Variants in MRPL45 observed in about 807,000 individuals in gnomAD.
The protein encoded by MRPL45 is mitochondrial ribosomal protein L45.
Under a neutral mutation model 38.1 loss-of-function variants are expected in MRPL45, and 20 were observed. The observed-to-expected ratio is 0.53, with a 90% CI of 0.37 to 0.76. The LOEUF is 0.76. Ranked by LOEUF, MRPL45 falls within the 30% of genes least tolerant of loss-of-function variation. The pLI is 0.00. For synonymous variants in MRPL45, 105 were observed against 128.8 expected (o/e 0.82, Z 1.25); for missense variants, 337 against 395.6 (o/e 0.85, Z 1.26).
At chr17:38,309,255 G>A (rs1457278275) in intron 4 of MRPL45, among the ~76,000 whole-genome samples, 4 of 150,122 alleles carry the variant, frequency 2.7e-5, no homozygotes, top group Admixed American at 2.7e-4. Context: ...GGTGGCTCTC[G>A]CTTGTAATCC....
chr17:38,306,648 T>G lies in MRPL45; in HGVS notation c.461+17T>G, dbSNP rs1385338269. 2.5e-6 allele frequency: 4 copies of G among 1,613,450 alleles called. No individual in the cohort carries two copies. In the East Asian group the frequency reaches 6.7e-5, roughly 27 times the overall value. The stretch of plus-strand genomic sequence containing the variant: ...TCTAAATAAGTAAGTGAACTCCCTA[T>G]CTTTACCCATTCTGTTCTCAGCAGT... On this transcript the variant is annotated intron_variant, in intron 4 of 7. Transcript: ENST00000613675.
chr17:38,308,441 TG>T (rs1301244309), intron 4 of MRPL45, among the ~76,000 whole-genome samples: 3,102 of 129,490 alleles, frequency 0.024, 66 homozygotes, highest in Admixed American at 0.068. Flanking sequence ...TTTTTTTTTT[TG>T]TTTGTTTGTT....
At chr17:38,298,892 T>TTTTTG (rs1392965022) in intron 2 of MRPL45, among the ~76,000 whole-genome samples, 4 of 152,086 alleles carry the variant, frequency 2.6e-5, no homozygotes, top group Non-Finnish European at 5.9e-5. Flanking sequence ...TTTCTGGCTT[T>TTTTTG]TTTTGTTTTG....
intron 4 of MRPL45, among the ~76,000 whole-genome samples, chr17:38,315,288 TC>T (rs2037162483): frequency 6.6e-6 from 1 of 152,212 alleles, no homozygotes; most frequent in African/African-American, 2.4e-5. Context: ...TCTCACTTTT[TC>T]AGCCAGGCTG....
rs760371005 is a variant in MRPL45, at chr17:38,323,201, G to A, written c.*606G>A. The stretch of plus-strand genomic sequence containing the variant: ...TTTTATGGAAAAATATAAATCCAAA[G>A]AAATAATTTATCCCTTAGCCTTTGA... On this transcript the variant is annotated 3_prime_UTR_variant, in exon 8 of 8. Transcript: ENST00000613675. 2 of 152,490 alleles carry A rather than the reference G, an allele frequency of 1.3e-5. No individual in the cohort carries two copies. The highest frequency in any genetic ancestry group is 3.9e-4 in the East Asian group (2 of 5,184). The allele number at this position is 152,490 out of a possible 1,614,324, so 9.4% of individuals were successfully genotyped here. A position where few individuals can be genotyped will look rare whatever the true frequency, so the allele number is the denominator to read the frequency against.
In MRPL45 at chr17:38,318,713, T is replaced by C. The variant is rs2144237180; in HGVS notation, c.488T>C (p.Leu163Ser). 1.2e-6 allele frequency: 2 copies of C among 1,610,580 alleles called. No homozygotes were observed. Among genetic ancestry groups the C allele is most frequent in the Middle Eastern group, 1.7e-4 (1 of 6,054 alleles). ...NNSDHDRLHT[L>S]VTEHCFPDMT... ...TCAGACCATGACCGGCTTCATACCTTGGTAACTGAACACTGTTTTCCAGTA... is the reference window on the plus strand; with the variant it reads ...TCAGACCATGACCGGCTTCATACCTCGGTAACTGAACACTGTTTTCCAGTA... The change falls in exon 5 of 8, where the codon TTG (leucine) becomes TCG (serine). Residue 163 changes from leucine to serine, a missense_variant. This residue lies in a region of MRPL45 where 251 missense variants were observed against 269.1 expected (regional missense o/e 0.93). Coordinates refer to ENST00000613675, the MANE Select transcript of MRPL45 (RefSeq NM_032351.6).
At chr17:38,307,138 A>G (rs2037063182) in intron 4 of MRPL45, among the ~76,000 whole-genome samples, 1 of 151,146 alleles carries the variant, frequency 6.6e-6, no homozygotes, top group African/African-American at 2.4e-5. Context: ...GGTTCAAGCA[A>G]CTCCCCTGCC....
chr17:38,317,003 G>A lies in MRPL45; in HGVS notation c.462-1684G>A, dbSNP rs191812745. Among the ~76,000 whole-genome samples the A allele has an allele frequency of 2.2e-3, 328 of 152,050 alleles. 1 individual carries two copies. The highest frequency in any genetic ancestry group is 0.012 in the East Asian group (62 of 5,136). On this transcript the variant is annotated intron_variant, in intron 4 of 7. Transcript: ENST00000613675. ...AGTAGGGACAGGGTTTCACCATGTT[G>A]GCCAGGATGGTCTTGATCTCCTGAC...
At chr17:38,309,950 T>G (rs2037094140) in intron 4 of MRPL45, among the ~76,000 whole-genome samples, 1 of 152,156 alleles carries the variant, frequency 6.6e-6, no homozygotes, top group Non-Finnish European at 1.5e-5. Flanking sequence ...AAATGTGTCT[T>G]CAGCTCTTTT....
At chr17:38,317,085 C>T (rs530285350) in intron 4 of MRPL45, among the ~76,000 whole-genome samples, 65 of 152,186 alleles carry the variant, frequency 4.3e-4, no homozygotes, top group Admixed American at 2.1e-3. Context: ...CATGAGCCAC[C>T]GCACCCGGCC....
At chr17:38,300,388 TC>T (rs1371030789) in intron 3 of MRPL45, among the ~76,000 whole-genome samples, 2 of 152,044 alleles carry the variant, frequency 1.3e-5, no homozygotes, top group East Asian at 3.9e-4. Context: ...GGTCTCGAAC[TC>T]CTGGGCTCAA....
Position 38,320,685 on chromosome 17 carries a change from A to T in MRPL45, c.578A>T (p.His193Leu). 6.2e-7 allele frequency: 1 copy of T among 1,614,160 alleles called. No individual in the cohort carries two copies. Among genetic ancestry groups the T allele is most frequent in the Non-Finnish European group, 8.5e-7 (1 of 1,180,018 alleles). The change falls in exon 6 of 8, where the codon CAT becomes CTT. Residue 193 changes from histidine to leucine, a missense_variant. Coordinates refer to ENST00000613675, the MANE Select transcript of MRPL45 (RefSeq NM_032351.6). The stretch of plus-strand genomic sequence containing the variant: ...TTTGTGGAATCTTTAGAGCCCTCTC[A>T]TGTTGTTCAAGTTCGCTGTTCAAGT... ...WSFVESLEPS[H>L]VVQVRCSSMM...
intron 5 of MRPL45, among the ~76,000 whole-genome samples, chr17:38,320,118 A>G (rs2037215316): frequency 6.6e-6 from 1 of 152,172 alleles, no homozygotes; most frequent in Non-Finnish European, 1.5e-5. Context: ...ATAAAAATAA[A>G]TAAAAAAAGA....
chr17:38,297,181 A>G lies in MRPL45; in HGVS notation c.-3A>G. ...CCTTCCCGGCGGCCTTTGCGGGAAC[A>G]AGATGGCAGCCCCCATACCTCAAGG... On this transcript the variant is annotated 5_prime_UTR_variant, in exon 1 of 8. Transcript: ENST00000613675. 1 of 1,614,108 alleles carries G rather than the reference A, an allele frequency of 6.2e-7. No individual in the cohort carries two copies.
intron 4 of MRPL45, among the ~76,000 whole-genome samples, chr17:38,309,983 T>A (rs1385830047): frequency 6.6e-6 from 1 of 152,132 alleles, no homozygotes; most frequent in Non-Finnish European, 1.5e-5. Context: ...AACCTTTTTT[T>A]TTCCCCCTCC....
At chr17:38,315,617 G>C (rs2037165801) in intron 4 of MRPL45, among the ~76,000 whole-genome samples, 1 of 151,726 alleles carries the variant, frequency 6.6e-6, no homozygotes, top group South Asian at 2.1e-4. Context: ...TTGACACTTT[G>C]GTTTTAATGT....
intron 4 of MRPL45, among the ~76,000 whole-genome samples, chr17:38,316,317 A>G (rs2144232770): frequency 6.6e-6 from 1 of 152,140 alleles, no homozygotes; most frequent in South Asian, 2.1e-4. Flanking sequence ...TTTAAAATTT[A>G]TTGTACTTTT....
intron 4 of MRPL45, among the ~76,000 whole-genome samples, chr17:38,312,668 C>T (rs960674715): frequency 6.6e-6 from 1 of 151,882 alleles, no homozygotes; most frequent in Non-Finnish European, 1.5e-5. Flanking sequence ...CAGAGTAAGA[C>T]CCCATCTCTA....
chr17:38,312,606 C>T (rs2037123449), intron 4 of MRPL45, among the ~76,000 whole-genome samples: 1 of 152,142 alleles, frequency 6.6e-6, no homozygotes, highest in Admixed American at 6.6e-5. Context: ...GTGGCTCATA[C>T]CCGTAATCCA....
Sources: allele counts gnomAD v4.1 joint callset (sites outside exome capture counted in the v4.1 genomes callset), GRCh38; gene constraint gnomAD v4.1.1; regional missense constraint gnomAD v4.1.1; transcripts MANE v1.5; gene names NCBI Gene and HGNC (gene_info 2026-07-23, HGNC 2026-07-21).